HDAC9: variants seen among roughly 807,000 people sequenced by gnomAD.
HDAC9 encodes histone deacetylase 9.
A neutral mutation model predicts 139.4 loss-of-function variants in HDAC9; 41 were observed. The ratio of observed to expected loss-of-function variants is 0.29; its 90% CI spans 0.23 to 0.38. The LOEUF (loss-of-function observed/expected upper bound fraction) is 0.38. Among genes scored for constraint, HDAC9 ranks in the 10% least tolerant of loss-of-function variants. HDAC9 has a pLI of 1.00. For missense variants in HDAC9, 1,147 were observed against 1,297.0 expected (o/e 0.88, Z 1.78); for synonymous variants, 517 against 476.2 (o/e 1.09, Z -1.12).
intron 2 of HDAC9, among the ~76,000 whole-genome samples, chr7:18,185,848 A>C (rs188728665): frequency 2.6e-5 from 4 of 152,358 alleles, no homozygotes; most frequent in Non-Finnish European, 4.4e-5. Context: ...CTCCATAAAG[A>C]AAGCATGATT....
intron 2 of HDAC9, among the ~76,000 whole-genome samples, chr7:18,508,093 A>G (rs1019179494): frequency 3.3e-5 from 5 of 152,218 alleles, no homozygotes; most frequent in South Asian, 2.1e-4. Context: ...ACAGCTATTA[A>G]ACAAAGCAAG....
intron 1 of HDAC9, among the ~76,000 whole-genome samples, chr7:18,153,167 G>A (rs980357061): frequency 6.6e-6 from 1 of 152,166 alleles, no homozygotes; most frequent in Non-Finnish European, 1.5e-5. Context: ...AGGGATTCTG[G>A]AGAAACCTAG....
At chr7:18,488,527 C>G (rs1387285122) in intron 1 of HDAC9, among the ~76,000 whole-genome samples, 1 of 151,896 alleles carries the variant, frequency 6.6e-6, no homozygotes, top group African/African-American at 2.4e-5. Context: ...AAAGTTGGGT[C>G]TGAAGCTGTA....
chr7:18,720,472 T>C (rs1785056365), intron 12 of HDAC9, among the ~76,000 whole-genome samples: 1 of 151,862 alleles, frequency 6.6e-6, no homozygotes, highest in East Asian at 1.9e-4. Flanking sequence ...GAATTCAAAA[T>C]GATAATATGT....
intron 1 of HDAC9, among the ~76,000 whole-genome samples, chr7:18,464,814 T>G (rs1356019351): frequency 2.6e-5 from 4 of 152,066 alleles, no homozygotes; most frequent in Non-Finnish European, 5.9e-5. Flanking sequence ...ACCCCCTCTT[T>G]GGTGAGTTCT....
At chr7:18,959,732 A>G (rs564095135) in intron 24 of HDAC9, among the ~76,000 whole-genome samples, 61 of 152,314 alleles carry the variant, frequency 4.0e-4, no homozygotes, top group Non-Finnish European at 7.6e-4. Flanking sequence ...AATAGGCAGA[A>G]GAATCCTAAA....
rs577244935 is a variant in HDAC9, at chr7:18,980,512, A to G, written c.3170+4559A>G. Among the ~76,000 whole-genome samples the G allele has an allele frequency of 1.1e-4, 16 of 152,328 alleles. No homozygotes were observed. The South Asian group carries it at 1.2e-3, about 12-fold the overall frequency. ...CTTTAAAATGAGAGAAAAATTTCAT[A>G]GAGTTGTGAGAATCAAATGAAACAA... On this transcript the variant is annotated intron_variant, in intron 25 of 25. Transcript: ENST00000686413.
At chr7:18,091,631 C>T (rs1308330861) in intron 1 of HDAC9, among the ~76,000 whole-genome samples, 1 of 152,110 alleles carries the variant, frequency 6.6e-6, no homozygotes, top group South Asian at 2.1e-4. Context: ...CTTAACACAA[C>T]ACCCCTTTAT....
chr7:18,653,302 A>G (rs1327800936), intron 11 of HDAC9, among the ~76,000 whole-genome samples: 2 of 151,904 alleles, frequency 1.3e-5, no homozygotes, highest in African/African-American at 4.8e-5. Flanking sequence ...GACATAAGAA[A>G]GAAAACTGAT....
At chr7:18,277,677 C>T (rs1796831725) in intron 2 of HDAC9, among the ~76,000 whole-genome samples, 1 of 152,138 alleles carries the variant, frequency 6.6e-6, no homozygotes, top group South Asian at 2.1e-4. Flanking sequence ...TTTCTCATTT[C>T]CTGACAACTT....
At chr7:18,328,264 A>C (rs1417481583) in intron 1 of HDAC9, among the ~76,000 whole-genome samples, 1 of 151,880 alleles carries the variant, frequency 6.6e-6, no homozygotes, top group Non-Finnish European at 1.5e-5. Flanking sequence ...TTACTCGTTT[A>C]TTGAAGAGTG....
At chr7:18,140,038 A>G (rs1290037829) in intron 1 of HDAC9, among the ~76,000 whole-genome samples, 1 of 152,160 alleles carries the variant, frequency 6.6e-6, no homozygotes, top group East Asian at 1.9e-4. Flanking sequence ...AGCCACAAGA[A>G]ATGAATACAA....
At chr7:18,648,835 C>A (rs118142591) in intron 11 of HDAC9, among the ~76,000 whole-genome samples, 152 bp downstream of exon 11, 1,662 of 152,262 alleles carry the variant, frequency 0.011, 21 homozygotes, top group Admixed American at 0.021. Context: ...TCAAGGACAC[C>A]ATCACAATAT....
At chr7:18,992,953 C>T (rs2129352086) in intron 25 of HDAC9, among the ~76,000 whole-genome samples, 1 of 152,284 alleles carries the variant, frequency 6.6e-6, no homozygotes, top group African/African-American at 2.4e-5. Context: ...TTCCTTCCCC[C>T]AGCTTGTGTC....
chr7:18,756,924 A>C lies in HDAC9; in HGVS notation c.2044-5233A>C, dbSNP rs146910133. Among the ~76,000 whole-genome samples the C allele has an allele frequency of 5.1e-3, 776 of 151,840 alleles. 5 individuals carry two copies. The highest frequency in any genetic ancestry group is 0.018 in the African/African-American group (745 of 41,394). On this transcript the variant is annotated intron_variant, in intron 14 of 25. Transcript: ENST00000686413. ...AACTCTGAGAAGTACAGGTTATTACACGAGGAGGGTTGTGTGGAAGATTGT... is the reference window on the plus strand; with the variant it reads ...AACTCTGAGAAGTACAGGTTATTACCCGAGGAGGGTTGTGTGGAAGATTGT...
intron 16 of HDAC9, among the ~76,000 whole-genome samples, chr7:18,784,990 T>A (rs1791587922): frequency 6.6e-6 from 1 of 151,928 alleles, no homozygotes; most frequent in African/African-American, 2.4e-5. Context: ...TGTGCATGTG[T>A]GTGTTTTGTA....
At chr7:18,762,633 T>C (rs957844788) in intron 15 of HDAC9, among the ~76,000 whole-genome samples, 3 of 152,228 alleles carry the variant, frequency 2.0e-5, no homozygotes. Flanking sequence ...CTCTTCACCG[T>C]TCCCATTTTT....
intron 1 of HDAC9, among the ~76,000 whole-genome samples, chr7:18,292,104 A>G (rs369775716): frequency 2.2e-4 from 33 of 151,854 alleles, no homozygotes; most frequent in African/African-American, 8.0e-4. Flanking sequence ...TCCCTAAGCT[A>G]TTTTTTTTCT....
chr7:18,891,671 G>T (rs1210507125), intron 22 of HDAC9, among the ~76,000 whole-genome samples: 1 of 152,156 alleles, frequency 6.6e-6, no homozygotes, highest in Non-Finnish European at 1.5e-5. Context: ...GTGGTGTTCA[G>T]ATATTTAGCA....
Sources: gnomAD v4.1 joint callset for allele counts (sites outside exome capture counted in the v4.1 genomes callset) on GRCh38, gnomAD v4.1.1 for gene constraint, MANE v1.5 for transcripts, NCBI Gene and HGNC (gene_info 2026-07-23, HGNC 2026-07-21) for gene names.